The following ZNF217 variants were observed in gnomAD, a reference collection of about 807,000 sequenced individuals.
ZNF217 encodes the protein zinc finger protein 217.
ZNF217 carries 12 observed loss-of-function variants against 73.3 expected under a neutral mutation model. The ratio of observed to expected loss-of-function variants is 0.16; its 90% CI spans 0.10 to 0.27. The LOEUF (loss-of-function observed/expected upper bound fraction) is 0.27. Among genes scored for constraint, ZNF217 ranks in the 10% least tolerant of loss-of-function variants. The probability of loss-of-function intolerance (pLI) is 1.00; values close to 1 mark genes in which losing one functional copy is unlikely to be tolerated. For missense variants in ZNF217, 1,195 were observed against 1,327.8 expected (o/e 0.90, Z 1.55); for synonymous variants, 588 against 516.4 (o/e 1.14, Z -1.88).
At chr20:53,570,101 T>A (rs1035466692) in intron 5 of ZNF217, among the ~76,000 whole-genome samples, 8 of 152,176 alleles carry the variant, frequency 5.3e-5, no homozygotes, top group Admixed American at 2.6e-4. Context: ...GGAGCATGGC[T>A]GTTTGCTACT....
chr20:53,571,562 G>C (rs189191394), intron 5 of ZNF217, among the ~76,000 whole-genome samples, 159 bp downstream of exon 5: 1 of 151,676 alleles, frequency 6.6e-6, no homozygotes, highest in Non-Finnish European at 1.5e-5. Flanking sequence ...CCGCCACCAC[G>C]CCCAGCTAAA....
rs1324678087 is a variant in ZNF217, at chr20:53,568,131, T to C, written c.*1157A>G. The C allele has an allele frequency of 6.6e-6, 1 of 152,110 alleles. No individual in the cohort carries two copies. The highest frequency in any genetic ancestry group is 2.4e-5 in the African/African-American group (1 of 41,430). 9.4% of individuals were successfully genotyped at this position (152,110 alleles called of 1,614,324 possible). On this transcript the variant is annotated 3_prime_UTR_variant, in exon 6 of 6. Coordinates refer to ENST00000371471, the MANE Select transcript of ZNF217 (RefSeq NM_006526.3). ...AAATAACTGAGGTCTAGAAACAGAT[T>C]TTCTCTTTCTAGACTCCCAGCGGGC... is the stretch of plus-strand genomic sequence containing the variant.
chr20:53,596,169 CT>C (rs376279948), upstream of ZNF217, among the ~76,000 whole-genome samples: 811 of 152,048 alleles, frequency 5.3e-3, 4 homozygotes, highest in African/African-American at 0.019. Flanking sequence ...TGTTTTCCCC[CT>C]GTGCCCTCCA....
chr20:53,594,091 T>G (rs1385912655), upstream of ZNF217, among the ~76,000 whole-genome samples: 3 of 129,612 alleles, frequency 2.3e-5, no homozygotes, highest in East Asian at 2.9e-4. Flanking sequence ...CCGGAGAATA[T>G]AGGGGCCGGG....
chr20:53,592,865 A>C (rs1988930285), intron 1 of ZNF217, among the ~76,000 whole-genome samples: 1 of 151,706 alleles, frequency 6.6e-6, no homozygotes, highest in Non-Finnish European at 1.5e-5. Context: ...AAGAAAAAAA[A>C]AAGCAGCAGC....
At chr20:53,587,755 G>A (rs545474149) in intron 1 of ZNF217, among the ~76,000 whole-genome samples, 1 of 148,984 alleles carries the variant, frequency 6.7e-6, no homozygotes, top group Non-Finnish European at 1.5e-5. Context: ...TCCAAGACCT[G>A]GCTAGAAGTT....
At chr20:53,587,338 C>A (rs201382884) in intron 1 of ZNF217, among the ~76,000 whole-genome samples, 950 of 123,434 alleles carry the variant, frequency 7.7e-3, no homozygotes, top group Non-Finnish European at 9.9e-3. Context: ...AGGACACATT[C>A]TACACTGCTT....
chr20:53,574,390 C>T (rs1457869741), intron 4 of ZNF217: 1 of 152,190 alleles, frequency 6.6e-6, no homozygotes. Context: ...TTACTGGGCG[C>T]CCCCTATTCT....
chr20:53,567,573 A>G lies in ZNF217; in HGVS notation c.*1715T>C, dbSNP rs1048489331. The G allele has an allele frequency of 1.4e-4, 21 of 152,668 alleles. No homozygotes were observed. The highest frequency in any genetic ancestry group is 5.1e-4 in the African/African-American group (21 of 41,448). The allele number at this position is 152,668 out of a possible 1,614,324, so 9.5% of individuals were successfully genotyped here. On this transcript the variant is annotated 3_prime_UTR_variant, in exon 6 of 6. Coordinates refer to ENST00000371471, the MANE Select transcript of ZNF217 (RefSeq NM_006526.3). ...GCAAGCTCTCTGTAACACTCATTGG[A>G]TTAGGCAAAGATTGAGTCAATCATC...
At chr20:53,586,154 T>TTCTAAAAGTAACACTCAGGGGGCA (rs1315538383) in intron 1 of ZNF217, among the ~76,000 whole-genome samples, 32 of 152,144 alleles carry the variant, frequency 2.1e-4, no homozygotes, top group Non-Finnish European at 2.5e-4. Flanking sequence ...TGGAGACTGT[T>TTCTAAAAGTAACACTCAGGGGGCA]GCCTTGTCCA....
chr20:53,575,895 G>A lies in ZNF217; in HGVS notation c.2869C>T (p.Gln957Ter). 6.2e-7 allele frequency: 1 copy of A among 1,614,230 alleles called. No homozygotes were observed. The highest frequency in any genetic ancestry group is 8.5e-7 in the Non-Finnish European group (1 of 1,180,040). ...GCCTGCGACGGATACACACAGTCCTGCGGTAACAGTGATGTGATGCCTCTG... is the reference window on the plus strand; with the variant it reads ...GCCTGCGACGGATACACACAGTCCTACGGTAACAGTGATGTGATGCCTCTG... ...MVRGITSLLP[Q>*]DCVYPSQALP... Residue 957 changes from glutamine (Q) to a stop codon, truncating the protein, a stop_gained, in exon 4 of 6, where the codon CAG becomes TAG. Transcript: ENST00000371471. LOFTEE classifies it high-confidence loss of function.
At chr20:53,589,539 A>G (rs1182571167) in intron 1 of ZNF217, among the ~76,000 whole-genome samples, 1 of 152,228 alleles carries the variant, frequency 6.6e-6, no homozygotes, top group Non-Finnish European at 1.5e-5. Context: ...TATCTGGAAG[A>G]TAGATGTGTA....
intron 2 of ZNF217, among the ~76,000 whole-genome samples, chr20:53,579,032 A>G (rs1988389433): frequency 6.6e-6 from 1 of 152,230 alleles, no homozygotes; most frequent in Non-Finnish European, 1.5e-5. Context: ...AAAATTTAGC[A>G]AAGTTTTGGA....
In ZNF217 at chr20:53,582,094, C is replaced by T. The variant is rs150961799; in HGVS notation, c.733G>A (p.Gly245Ser). The T allele has an allele frequency of 9.9e-6, 16 of 1,614,196 alleles. No homozygotes were observed. The highest frequency in any genetic ancestry group is 8.0e-5 in the African/African-American group (6 of 75,060). The change falls in exon 2 of 6, where the codon GGT becomes AGT. Residue 245 changes from glycine to serine, a missense_variant. Physicochemically the swap from Gly to Ser is moderately conservative, Grantham distance 56. Around this residue, in one of 9 missense-constraint regions of ZNF217, gnomAD observed 126 missense variants for 114.4 expected, o/e 1.10. Transcript: ENST00000371471. This position sits in a 1 kb window ranked among gnomAD's most constrained non-coding sequence, Gnocchi z 4.8. ...RKVHTKKTAF[G>S]TSSAQTDSPQ... ...GAGTCTGTCTGCGCGCTGCTGGTACCGAAAGCAGTTTTTTTGGTGTGCACC... is the reference window on the plus strand; with the variant it reads ...GAGTCTGTCTGCGCGCTGCTGGTACTGAAAGCAGTTTTTTTGGTGTGCACC...
In ZNF217 at chr20:53,583,187, A is replaced by ACC; in HGVS notation, c.-342-20_-342-19insGG. The ACC allele has an allele frequency of 2.4e-6, 1 of 409,854 alleles. No homozygotes were observed. The highest frequency in any genetic ancestry group is 1.0e-4 in the South Asian group (1 of 9,922). The allele number at this position is 409,854 out of a possible 1,614,324, so 25.4% of individuals were successfully genotyped here. On this transcript the variant is annotated intron_variant, in intron 1 of 5. Transcript: ENST00000371471. ...CCAAACCCTAGAGGAAAAAAAACAG[A>ACC]AACGGTTAGCTACACTCAGAGCGAA...
At chr20:53,597,375 T>A (rs1568696526), upstream of ZNF217, among the ~76,000 whole-genome samples, 1 of 151,968 alleles carries the variant, frequency 6.6e-6, no homozygotes, top group East Asian at 1.9e-4. Context: ...GAAAAGAACA[T>A]GAAAAAGTTA....
intron 1 of ZNF217, among the ~76,000 whole-genome samples, chr20:53,587,032 C>T (rs1033998214): frequency 1.3e-5 from 2 of 152,206 alleles, no homozygotes; most frequent in Non-Finnish European, 2.9e-5. Context: ...TGTTTAAAAA[C>T]ATTTTAAAAT....
chr20:53,585,932 A>C (rs1485386249), intron 1 of ZNF217, among the ~76,000 whole-genome samples: 2 of 152,126 alleles, frequency 1.3e-5, no homozygotes, highest in Non-Finnish European at 2.9e-5. Flanking sequence ...ACTGACTCTA[A>C]TAGTCAATTG....
Position 53,571,846 on chromosome 20 carries a change from C to A in ZNF217, c.3045G>T (p.Arg1015Ser). ...TAGATAAGTGTTGATATGACACAGG[C>A]CTTTTTCCTGATTGAAAAAAAAAAC... is the stretch of plus-strand genomic sequence containing the variant. The part of the protein sequence containing the change: ...PASSSTLEGK[R>S]PVSYQHLSNS... The change falls in exon 5 of 6, where the codon AGG (arginine) becomes AGT (serine). Residue 1015 changes from arginine (R) to serine (S), a missense_variant. This residue lies in a region of ZNF217 where 649 missense variants were observed against 642.8 expected (regional missense o/e 1.01). Coordinates refer to ENST00000371471, the MANE Select transcript of ZNF217 (RefSeq NM_006526.3). 1 of 1,591,338 alleles carries A rather than the reference C, an allele frequency of 6.3e-7. No individual in the cohort carries two copies. Among genetic ancestry groups the A allele is most frequent in the Non-Finnish European group, 8.5e-7 (1 of 1,173,346 alleles).
Sources: allele counts gnomAD v4.1 joint callset (sites outside exome capture counted in the v4.1 genomes callset), GRCh38; gene constraint gnomAD v4.1.1; regional missense constraint gnomAD v4.1.1; non-coding constraint Gnocchi (gnomAD v3.1); transcripts MANE v1.5; gene names NCBI Gene and HGNC (gene_info 2026-07-23, HGNC 2026-07-21).